ZFP1: variants seen among roughly 807,000 people sequenced by gnomAD.
The protein encoded by ZFP1 is ZFP1 zinc finger protein, also known as zinc finger protein 1 homolog.
A neutral mutation model predicts 38.5 loss-of-function variants in ZFP1; 32 were observed. The observed-to-expected ratio is 0.83, with a 90% CI of 0.63 to 1.12. The LOEUF (loss-of-function observed/expected upper bound fraction) is 1.12. Ranked by LOEUF, ZFP1 falls within the 50% of genes most tolerant of loss-of-function variation. ZFP1 has a pLI of 0.00. For synonymous variants in ZFP1, 245 were observed against 168.8 expected (o/e 1.45, Z -3.50); for missense variants, 616 against 480.8 (o/e 1.28, Z -2.63).
At chr16:75,167,165 G>T (rs923095322) in intron 3 of ZFP1, among the ~76,000 whole-genome samples, 1 of 152,224 alleles carries the variant, frequency 6.6e-6, no homozygotes, top group Non-Finnish European at 1.5e-5. Context: ...AGAGTTTTGG[G>T]TAGCATAGAG....
At chr16:75,164,501 G>A (rs962761567) in intron 2 of ZFP1, among the ~76,000 whole-genome samples, 9 of 151,896 alleles carry the variant, frequency 5.9e-5, no homozygotes, top group African/African-American at 2.2e-4. Flanking sequence ...TGTTTTGCTG[G>A]TTTGCTGTTG....
At chr16:75,121,326 C>A in the ZFP1 span, among the ~76,000 whole-genome samples, 1 of 151,910 alleles carries the variant, frequency 6.6e-6, no homozygotes, top group Non-Finnish European at 1.5e-5. Context: ...GGGGTTTCGC[C>A]GTGTTAGCCA....
chr16:75,131,657 G>A, the ZFP1 span, among the ~76,000 whole-genome samples: 1 of 151,922 alleles, frequency 6.6e-6, no homozygotes, highest in Non-Finnish European at 1.5e-5. Flanking sequence ...TGCTTACCTG[G>A]ATTGTCTCAA....
chr16:75,134,724 C>T, the ZFP1 span, among the ~76,000 whole-genome samples: 1 of 148,876 alleles, frequency 6.7e-6, no homozygotes, highest in Admixed American at 6.7e-5. Flanking sequence ...GCACTCCAGC[C>T]TGGGCAACAC....
chr16:75,148,863 A>C (rs1033331218), intron 1 of ZFP1: 36 of 152,072 alleles, frequency 2.4e-4, no homozygotes, highest in African/African-American at 8.7e-4. Flanking sequence ...GGCGGAGGGA[A>C]GGGCGGCTAT....
chr16:75,148,435 A>T (rs953578713), upstream of ZFP1: 2 of 152,268 alleles, frequency 1.3e-5, no homozygotes, highest in Admixed American at 6.5e-5. Context: ...GTAGTCCCGA[A>T]CGTGGATGGT....
intron 2 of ZFP1, among the ~76,000 whole-genome samples, chr16:75,160,819 A>T (rs1046402589): frequency 6.6e-6 from 1 of 152,064 alleles, no homozygotes; most frequent in Non-Finnish European, 1.5e-5. Flanking sequence ...GCATGGCAGA[A>T]AGCAAAAGGG....
upstream of ZFP1, among the ~76,000 whole-genome samples, chr16:75,146,143 C>T (rs531103189): frequency 1.3e-5 from 2 of 151,796 alleles, no homozygotes; most frequent in African/African-American, 4.8e-5. Context: ...TGTTACCACA[C>T]AATCCAGCAA....
upstream of ZFP1, among the ~76,000 whole-genome samples, chr16:75,146,082 C>A (rs142511812): frequency 1.3e-5 from 2 of 152,128 alleles, no homozygotes; most frequent in African/African-American, 4.8e-5. Flanking sequence ...AAGCTAGCCA[C>A]GACAAGTCCC....
At chr16:75,129,229 AC>A in the ZFP1 span, among the ~76,000 whole-genome samples, 2 of 152,102 alleles carry the variant, frequency 1.3e-5, no homozygotes, top group African/African-American at 4.8e-5. Flanking sequence ...AGACTTCACA[AC>A]CTTCTAAAAA....
chr16:75,125,663 T>C, the ZFP1 span, among the ~76,000 whole-genome samples: 1 of 152,152 alleles, frequency 6.6e-6, no homozygotes. Flanking sequence ...TTTTATAAAT[T>C]GTTTATAAAA....
chr16:75,130,185 G>A, the ZFP1 span, among the ~76,000 whole-genome samples: 5 of 152,020 alleles, frequency 3.3e-5, no homozygotes, highest in African/African-American at 1.2e-4. Flanking sequence ...ATTTTTAGTA[G>A]AGATGGGGTT....
the ZFP1 span, among the ~76,000 whole-genome samples, chr16:75,130,855 A>G: frequency 6.6e-6 from 1 of 151,252 alleles, no homozygotes; most frequent in Admixed American, 6.6e-5. Context: ...AGGGATAAAG[A>G]CCATTCCACG....
chr16:75,166,887 C>G lies in ZFP1; in HGVS notation c.133C>G (p.Leu45Val), dbSNP rs1448624284. 2 of 1,613,864 alleles carry G rather than the reference C, an allele frequency of 1.2e-6. No homozygotes were observed. The highest frequency in any genetic ancestry group is 1.7e-6 in the Non-Finnish European group (2 of 1,179,772). The part of the protein sequence containing the change: ...DVMLENYSNL[L>V]SVEVWKADDQ... ...GATGCTGGAGAATTATAGCAACTTA[C>G]TTTCAGTGGGTAAGGACGGTTTTCA... Residue 45 changes from leucine (L) to valine (V), a missense_variant, in exon 3 of 4, where the codon CTT (leucine) becomes GTT (valine). By Grantham distance (32) the Leu-to-Val change is conservative. Coordinates refer to ENST00000570010, the MANE Select transcript of ZFP1 (RefSeq NM_153688.4).
intron 2 of ZFP1, 143 bp downstream of exon 2, chr16:75,153,109 G>A: frequency 9.0e-7 from 1 of 1,110,968 alleles, no homozygotes. Flanking sequence ...CAGCCAAAAA[G>A]CAAATTGAGT....
intron 2 of ZFP1, among the ~76,000 whole-genome samples, chr16:75,153,400 A>C (rs937456937): frequency 6.6e-6 from 1 of 152,196 alleles, no homozygotes; most frequent in Non-Finnish European, 1.5e-5. Context: ...CTCCACCCCA[A>C]GCAGGTACCA....
At chr16:75,154,593 T>A (rs1209960058) in intron 2 of ZFP1, among the ~76,000 whole-genome samples, 1 of 121,018 alleles carries the variant, frequency 8.3e-6, no homozygotes, top group Non-Finnish European at 1.8e-5. Flanking sequence ...TTTTTTTTTT[T>A]TGGTTTTAAG....
the ZFP1 span, among the ~76,000 whole-genome samples, chr16:75,133,385 CAGTATTCAAT>C: frequency 6.6e-6 from 1 of 152,122 alleles, no homozygotes; most frequent in African/African-American, 2.4e-5. Context: ...GAATTACGCC[CAGTATTCAAT>C]AGTTACCTTT....
chr16:75,161,452 C>A (rs2037772338), intron 2 of ZFP1, among the ~76,000 whole-genome samples: 1 of 151,486 alleles, frequency 6.6e-6, no homozygotes, highest in African/African-American at 2.4e-5. Flanking sequence ...CTCATAGATG[C>A]CTTTTGGTAA....
Sources: gnomAD v4.1 joint callset for allele counts (sites outside exome capture counted in the v4.1 genomes callset) on GRCh38, gnomAD v4.1.1 for gene constraint, MANE v1.5 for transcripts, NCBI Gene and HGNC (gene_info 2026-07-23, HGNC 2026-07-21) for gene names.